CYP11B1: variants seen among roughly 807,000 people sequenced by gnomAD.
The protein encoded by CYP11B1 is cytochrome P450 11B1, mitochondrial.
In CYP11B1, 34 loss-of-function variants were observed where a neutral mutation model predicts 48.3. The ratio of observed to expected loss-of-function variants is 0.70; its 90% CI spans 0.54 to 0.94. The LOEUF is 0.94. Among genes scored for constraint, CYP11B1 ranks in the 40% least tolerant of loss-of-function variants. CYP11B1 has a pLI of 0.00. For missense variants in CYP11B1, 688 were observed against 657.4 expected (o/e 1.05, Z -0.51); for synonymous variants, 291 against 262.5 (o/e 1.11, Z -1.05).
In CYP11B1 at chr8:142,879,014, T is replaced by C. The variant is rs747249778; in HGVS notation, c.395+18A>G. On this transcript the variant is annotated intron_variant, in intron 2 of 8. Coordinates refer to ENST00000292427, the MANE Select transcript of CYP11B1 (RefSeq NM_000497.4). Reference sequence around the variant, plus strand: ...CCAGGCTGCCCACCCTGCTCCCAGCTCTCAGCTCGCCGCTTACAGCAAGAA... The same window carrying C: ...CCAGGCTGCCCACCCTGCTCCCAGCCCTCAGCTCGCCGCTTACAGCAAGAA... 1 of 1,613,888 alleles carries C rather than the reference T, an allele frequency of 6.2e-7. No individual in the cohort carries two copies. The highest frequency in any genetic ancestry group is 8.5e-7 in the Non-Finnish European group (1 of 1,179,958).
At chr8:142,877,682 G>A in intron 2 of CYP11B1, 2 of 1,499,642 alleles carry the variant, frequency 1.3e-6, no homozygotes, top group Non-Finnish European at 1.8e-6. Context: ...AGTGCCTCTG[G>A]GGCAGCAGCC....
Position 142,876,339 on chromosome 8 carries a change from A to C in CYP11B1, c.856T>G (p.Tyr286Asp). 1 of 1,614,178 alleles carries C rather than the reference A, an allele frequency of 6.2e-7. No individual in the cohort carries two copies. The highest frequency in any genetic ancestry group is 1.1e-5 in the South Asian group (1 of 91,074). ...QELAFSRPQQYTSIVAELLLN... is the reference protein window; with the variant it reads ...QELAFSRPQQDTSIVAELLLN... ...AGGAGCTCCGCCACGATGCTGGTGT[A>C]CTGTTGAGGGCGGCTGAAGGCCAGT... The change falls in exon 5 of 9, where the codon TAC becomes GAC. Residue 286 changes from tyrosine (Y) to aspartate (D), a missense_variant. Physicochemically the swap from Tyr to Asp is radical, Grantham distance 160 (BLOSUM62 -3). Coordinates refer to ENST00000292427, the MANE Select transcript of CYP11B1 (RefSeq NM_000497.4).
In CYP11B1 at chr8:142,875,264, C is replaced by T. The variant is rs529700971; in HGVS notation, c.1170G>A (p.Leu390=). The T allele has an allele frequency of 3.1e-6, 5 of 1,613,830 alleles. No individual in the cohort carries two copies. The African/African-American group carries it at 5.3e-5, about 17-fold the overall frequency. ...LFLERVASSD[L]VLQNYHIPAG... ...CTGGGATGTGGTAGTTCTGAAGCAC[C>T]AAGTCTGAGCTCGCCACTCGCTCCA... Residue 390 remains leucine (L), a synonymous_variant, in exon 7 of 9, where the codon TTG becomes TTA. Transcript: ENST00000292427.
intron 5 of CYP11B1, 60 bp from the exon 6 acceptor site, chr8:142,875,938 C>A: frequency 6.2e-7 from 1 of 1,604,048 alleles, no homozygotes; most frequent in South Asian, 1.1e-5. Context: ...CCCCGGGACA[C>A]CCCTCCCAGG....
chr8:142,874,875 C>T, intron 8 of CYP11B1, 82 bp downstream of exon 8: 6 of 1,542,048 alleles, frequency 3.9e-6, no homozygotes, highest in Non-Finnish European at 4.4e-6. Context: ...CCCACTCTGC[C>T]GAGGCCAGTC....
At chr8:142,877,920 A>T (rs76968864) in intron 2 of CYP11B1, 18 of 1,104,132 alleles carry the variant, frequency 1.6e-5, no homozygotes, top group Non-Finnish European at 2.4e-5. Context: ...ACATGCTCAC[A>T]TGCGCCCATG....
Position 142,874,412 on chromosome 8 carries a change from G to T in CYP11B1, c.1473C>A (p.Pro491=). ...IKMVYSFILR[P]SMFPLLTFRA... The stretch of plus-strand genomic sequence containing the variant: ...TGAAGGTGAGGAGGGGGAACATGCT[G>T]GGCCTCAATATGAAGCTGTAGACCA... Residue 491 remains proline, a synonymous_variant, in exon 9 of 9, where the codon CCC becomes CCA. Coordinates refer to ENST00000292427, the MANE Select transcript of CYP11B1 (RefSeq NM_000497.4). 6.2e-7 allele frequency: 1 copy of T among 1,613,988 alleles called. No homozygotes were observed. Among genetic ancestry groups the T allele is most frequent in the Non-Finnish European group, 8.5e-7 (1 of 1,179,904 alleles).
At chr8:142,877,593 G>T (rs1817002795) in intron 2 of CYP11B1, among the ~76,000 whole-genome samples, 1 of 152,168 alleles carries the variant, frequency 6.6e-6, no homozygotes, top group South Asian at 2.1e-4. Flanking sequence ...GTCAAGCTTT[G>T]CCCACCTCAC....
chr8:142,877,135 C>G lies in CYP11B1; in HGVS notation c.483G>C (p.Val161=), dbSNP rs1309023575. The change falls in exon 3 of 9, where the codon GTG becomes GTC. Residue 161 remains valine (V), a synonymous_variant. Coordinates refer to ENST00000292427, the MANE Select transcript of CYP11B1 (RefSeq NM_000497.4). ...GGGAGAAGTCCCTGGCCACTGCATC[C>G]ACCATCGGGAGGAACCTCTGCACAG... ...PNAVQRFLPM[V]DAVARDFSQA... is the part of the protein sequence containing the mutation. 1.2e-6 allele frequency: 2 copies of G among 1,614,178 alleles called. No homozygotes were observed. Among genetic ancestry groups the G allele is most frequent in the Non-Finnish European group, 1.7e-6 (2 of 1,180,020 alleles).
intron 2 of CYP11B1, chr8:142,877,733 C>T (rs1261192285): frequency 6.3e-7 from 1 of 1,594,502 alleles, no homozygotes; most frequent in Non-Finnish European, 8.5e-7. Flanking sequence ...AGAAACCAAG[C>T]TTTGTGCTTC....
intron 8 of CYP11B1, among the ~76,000 whole-genome samples, 164 bp from the exon 9 acceptor site, chr8:142,874,650 A>G (rs542702940): frequency 9.5e-4 from 145 of 152,044 alleles, no homozygotes; most frequent in African/African-American, 3.3e-3. Flanking sequence ...GCCCAGGCCC[A>G]GAATTCATCC....
chr8:142,874,808 C>T, intron 8 of CYP11B1, 149 bp downstream of exon 8: 2 of 1,006,714 alleles, frequency 2.0e-6, no homozygotes, highest in South Asian at 1.4e-5. Context: ...CAGCCTCAAC[C>T]TGGCCCAGGT....
At chr8:142,879,453 T>C in intron 1 of CYP11B1, 122 bp downstream of exon 1, 1 of 1,613,768 alleles carries the variant, frequency 6.2e-7, no homozygotes, top group South Asian at 1.1e-5. Flanking sequence ...TCCTTCCCCA[T>C]CTTCCAAAGG....
rs1816849801 is a variant in CYP11B1 at position 142,873,466 on chromosome 8, C to G, written c.*907G>C. 6.6e-6 allele frequency: 1 copy of G among 152,232 alleles called. No individual in the cohort carries two copies. The highest frequency in any genetic ancestry group is 2.1e-4 in the South Asian group (1 of 4,834). 9.4% of individuals were successfully genotyped at this position (152,232 alleles called of 1,614,324 possible). Reference sequence around the variant, plus strand: ...AAACTGCAGCCTCCCTGTGCCCACCCCAGGTCGTGGCACATGACATGGCTC... The same window carrying G: ...AAACTGCAGCCTCCCTGTGCCCACCGCAGGTCGTGGCACATGACATGGCTC... On this transcript the variant is annotated 3_prime_UTR_variant, in exon 9 of 9. Transcript: ENST00000292427.
chr8:142,879,658 C>A lies in CYP11B1; in HGVS notation c.156G>T (p.Leu52=), dbSNP rs1185518994. Residue 52 remains leucine (L), a synonymous_variant, in exon 1 of 9, where the codon CTG becomes CTT. Coordinates refer to ENST00000292427, the MANE Select transcript of CYP11B1 (RefSeq NM_000497.4). The part of the protein sequence containing the change: ...PRRPGNRWLR[L]LQIWREQGYE... Reference sequence around the variant, plus strand: ...AACCCTGCTCCCTCCAGATCTGCAGCAGCCTCAGCCACCTGTTGCCTGGAC... The same window carrying A: ...AACCCTGCTCCCTCCAGATCTGCAGAAGCCTCAGCCACCTGTTGCCTGGAC... The A allele has an allele frequency of 3.7e-6, 6 of 1,614,118 alleles. No individual in the cohort carries two copies. The highest frequency in any genetic ancestry group is 5.1e-6 in the Non-Finnish European group (6 of 1,180,058).
At chr8:142,875,916 G>C (rs751041755) in intron 5 of CYP11B1, 38 bp from the exon 6 acceptor site, 1 of 1,612,906 alleles carries the variant, frequency 6.2e-7, no homozygotes, top group East Asian at 2.2e-5. Context: ...ACCTTGCACA[G>C]GAGGACTCAG....
intron 5 of CYP11B1, 120 bp downstream of exon 5, chr8:142,876,121 G>A: frequency 7.1e-7 from 1 of 1,412,762 alleles, no homozygotes; most frequent in South Asian, 1.2e-5. Flanking sequence ...TCCCAAGTAA[G>A]AAATGTGGGG....
rs370757808 is a variant in CYP11B1, at chr8:142,875,304, G to A, written c.1130C>T (p.Pro377Leu). Residue 377 changes from proline to leucine, a missense_variant, in exon 7 of 9, where the codon CCT becomes CTT. Pro to Leu is a moderately conservative substitution (Grantham distance 98). Transcript: ENST00000292427. ...AALKETLRLY[P>L]VGLFLERVAS... is the part of the protein sequence containing the mutation. ...CACTCGCTCCAGAAACAGACCCACA[G>A]GGTAGAGCCTGGAGGTGGGGGCATC... 6.2e-7 allele frequency: 1 copy of A among 1,612,960 alleles called. No individual in the cohort carries two copies. The highest frequency in any genetic ancestry group is 8.5e-7 in the Non-Finnish European group (1 of 1,179,936).
At chr8:142,875,336 A>G in intron 6 of CYP11B1, 24 bp from the exon 7 acceptor site, 1 of 1,605,836 alleles carries the variant, frequency 6.2e-7, no homozygotes, top group Non-Finnish European at 8.5e-7. Flanking sequence ...CATCCATAGA[A>G]AGGGTCCTCA....
Sources: gnomAD v4.1 joint callset for allele counts (sites outside exome capture counted in the v4.1 genomes callset) on GRCh38, gnomAD v4.1.1 for gene constraint, MANE v1.5 for transcripts, NCBI Gene and HGNC (gene_info 2026-07-23, HGNC 2026-07-21) for gene names.